Variants in NT5C1B observed in about 807,000 individuals in gnomAD.
NT5C1B encodes 5'-nucleotidase, cytosolic IB.
A neutral mutation model predicts 57.8 loss-of-function variants in NT5C1B; 44 were observed. The ratio of observed to expected loss-of-function variants is 0.76; its 90% CI spans 0.60 to 0.98. The LOEUF is 0.98. Among genes scored for constraint, NT5C1B ranks in the 50% least tolerant of loss-of-function variants. The pLI is 0.00. For missense variants in NT5C1B, 742 were observed against 719.5 expected (o/e 1.03, Z -0.36); for synonymous variants, 284 against 282.6 (o/e 1.00, Z -0.05).
chr2:18,577,150 A>T (rs1665760328), intron 6 of NT5C1B, among the ~76,000 whole-genome samples: 1 of 152,154 alleles, frequency 6.6e-6, no homozygotes, highest in Admixed American at 6.6e-5. Context: ...TAGTATATTC[A>T]CATAGATCAT....
At chr2:18,574,557 A>T (rs1665503277) in intron 8 of NT5C1B, among the ~76,000 whole-genome samples, 1 of 152,120 alleles carries the variant, frequency 6.6e-6, no homozygotes, top group African/African-American at 2.4e-5. Flanking sequence ...ATTATTCACA[A>T]TGGCCAATAT....
chr2:18,576,651 G>T, intron 7 of NT5C1B, 122 bp downstream of exon 7: 1 of 1,492,274 alleles, frequency 6.7e-7, no homozygotes, highest in Non-Finnish European at 8.9e-7. Flanking sequence ...TGCCCCATGT[G>T]GAAAAACTTC....
intron 7 of NT5C1B, 63 bp from the exon 8 acceptor site, chr2:18,576,431 T>C: frequency 6.6e-7 from 1 of 1,518,178 alleles, no homozygotes; most frequent in Non-Finnish European, 8.8e-7. Context: ...TTTCTACCAT[T>C]AAAAAAAACA....
At chr2:18,576,694 A>G in intron 7 of NT5C1B, 79 bp downstream of exon 7, 1 of 1,581,554 alleles carries the variant, frequency 6.3e-7, no homozygotes, top group Non-Finnish European at 8.6e-7. Flanking sequence ...TAAGCCTCAT[A>G]ATCATATGCG....
At chr2:18,577,882 C>A (rs73226373) in intron 6 of NT5C1B, among the ~76,000 whole-genome samples, 29,517 of 151,774 alleles carry the variant, frequency 0.19, 5,856 homozygotes, top group African/African-American at 0.51. Context: ...CAAAGAAAAA[C>A]AGAGAGAAAA....
At chr2:18,585,624 G>GA (rs1189338827) in intron 3 of NT5C1B, among the ~76,000 whole-genome samples, 4 of 152,186 alleles carry the variant, frequency 2.6e-5, no homozygotes, top group African/African-American at 7.2e-5. Flanking sequence ...CCATTCTAGA[G>GA]AAAAAACTCC....
intron 3 of NT5C1B, 60 bp downstream of exon 3, chr2:18,586,194 T>C (rs1666692345): frequency 6.3e-7 from 1 of 1,582,304 alleles, no homozygotes; most frequent in African/African-American, 1.3e-5. Context: ...AAAGCATCAA[T>C]AAATGTTAAC....
chr2:18,563,833 A>C, exon 9 of NT5C1B: 1 of 1,591,032 alleles, frequency 6.3e-7, no homozygotes, highest in Non-Finnish European at 8.6e-7. Flanking sequence ...ATAAGCTGCG[A>C]TGGAACCTAA....
chr2:18,579,147 A>G (rs1665958088), intron 6 of NT5C1B, among the ~76,000 whole-genome samples: 1 of 152,214 alleles, frequency 6.6e-6, no homozygotes, highest in Non-Finnish European at 1.5e-5. Flanking sequence ...AGACAGCACA[A>G]ACAAATGGAA....
At chr2:18,573,321 G>A (rs1055511806) in intron 8 of NT5C1B, among the ~76,000 whole-genome samples, 9 of 151,980 alleles carry the variant, frequency 5.9e-5, no homozygotes, top group Non-Finnish European at 1.0e-4. Flanking sequence ...GTGATTTAAC[G>A]AAACTGTTGA....
intron 6 of NT5C1B, among the ~76,000 whole-genome samples, chr2:18,581,327 T>G (rs1156974412): frequency 6.6e-6 from 1 of 152,178 alleles, no homozygotes; most frequent in East Asian, 1.9e-4. Flanking sequence ...GATAACGATT[T>G]CTACAGAAAG....
chr2:18,568,765 G>A (rs1388138786), intron 8 of NT5C1B, among the ~76,000 whole-genome samples: 1 of 152,160 alleles, frequency 6.6e-6, no homozygotes, highest in Non-Finnish European at 1.5e-5. Flanking sequence ...CTCCTTTGGA[G>A]AGGCTAATCA....
At chr2:18,583,712 T>G (rs1358273240) in intron 5 of NT5C1B, 4 of 397,130 alleles carry the variant, frequency 1.0e-5, no homozygotes, top group African/African-American at 8.4e-5. Context: ...ATGCTATGTT[T>G]GGGGCCAGAA....
chr2:18,579,832 C>T (rs1350938833), intron 6 of NT5C1B, among the ~76,000 whole-genome samples: 1 of 152,122 alleles, frequency 6.6e-6, no homozygotes, highest in Admixed American at 6.5e-5. Context: ...AAGAAACTAT[C>T]AACAGAGTAA....
intron 1 of NT5C1B, among the ~76,000 whole-genome samples, chr2:18,589,107 G>C (rs770844093): frequency 3.9e-5 from 6 of 152,202 alleles, no homozygotes; most frequent in Admixed American, 3.9e-4. Flanking sequence ...TTTCCTACTA[G>C]GCCATGCATT....
At chr2:18,583,494 C>T (rs1558385021) in intron 5 of NT5C1B, 5 of 246,044 alleles carry the variant, frequency 2.0e-5, no homozygotes, top group Non-Finnish European at 2.4e-5. Context: ...GTATCCTGCC[C>T]ATGCTTTTAC....
chr2:18,582,916 T>G, exon 6 of NT5C1B: 1 of 1,614,116 alleles, frequency 6.2e-7, no homozygotes, highest in Non-Finnish European at 8.5e-7. Flanking sequence ...TGGGCATGGT[T>G]ATTAGTCATC....
chr2:18,587,147 G>A (rs369042120), intron 2 of NT5C1B: 1 of 1,613,740 alleles, frequency 6.2e-7, no homozygotes, highest in Non-Finnish European at 8.5e-7. Context: ...ATCTCAGCGA[G>A]TGATTCGGAT....
chr2:18,586,415 A>G, intron 2 of NT5C1B, 24 bp from the exon 3 acceptor site: 1 of 1,612,852 alleles, frequency 6.2e-7, no homozygotes, highest in Non-Finnish European at 8.5e-7. Flanking sequence ...AAGAAACCCA[A>G]CGGTGTAAAA....
Sources: allele counts gnomAD v4.1 joint callset (sites outside exome capture counted in the v4.1 genomes callset), GRCh38; gene constraint gnomAD v4.1.1; transcripts MANE v1.5; gene names NCBI Gene and HGNC (gene_info 2026-07-23, HGNC 2026-07-21).